LRRC4C: variants seen among roughly 807,000 people sequenced by gnomAD.
LRRC4C encodes the protein leucine rich repeat containing 4C.
A neutral mutation model predicts 33.6 loss-of-function variants in LRRC4C; 5 were observed. That is an observed-to-expected ratio of 0.15 (90% CI 0.08 to 0.31). The LOEUF (loss-of-function observed/expected upper bound fraction) is 0.31. Among genes scored for constraint, LRRC4C ranks in the 10% least tolerant of loss-of-function variants. The pLI is 1.00. For synonymous variants in LRRC4C, 329 were observed against 302.0 expected (o/e 1.09, Z -0.93); for missense variants, 560 against 796.7 (o/e 0.70, Z 3.58).
At chr11:40,177,566 C>T (rs1361290968) in intron 5 of LRRC4C, among the ~76,000 whole-genome samples, 1 of 152,114 alleles carries the variant, frequency 6.6e-6, no homozygotes, top group Non-Finnish European at 1.5e-5. Context: ...AAGCATCTTC[C>T]CCCAGATAGC....
At chr11:40,606,510 A>C (rs1249426461) in intron 3 of LRRC4C, among the ~76,000 whole-genome samples, 1 of 152,138 alleles carries the variant, frequency 6.6e-6, no homozygotes, top group Non-Finnish European at 1.5e-5. Context: ...TACAAGGCAC[A>C]CAAAGAAATA....
chr11:41,275,049 T>C (rs1949440354), intron 1 of LRRC4C, among the ~76,000 whole-genome samples: 1 of 151,980 alleles, frequency 6.6e-6, no homozygotes, highest in South Asian at 2.1e-4. Context: ...TGAGATAGGG[T>C]TGTTTAAAGA....
At chr11:41,021,204 A>C (rs866838776) in intron 1 of LRRC4C, among the ~76,000 whole-genome samples, 6 of 46,158 alleles carry the variant, frequency 1.3e-4, no homozygotes, top group African/African-American at 3.0e-4. Context: ...AGAGAGAGAG[A>C]GAGAGAGAGA....
At chr11:41,288,251 C>G (rs1949891082) in intron 1 of LRRC4C, among the ~76,000 whole-genome samples, 1 of 152,208 alleles carries the variant, frequency 6.6e-6, no homozygotes, top group East Asian at 1.9e-4. Flanking sequence ...AGTACGTAAT[C>G]TCCATCCTTA....
chr11:40,454,493 G>A (rs1175217332), intron 3 of LRRC4C, among the ~76,000 whole-genome samples: 3 of 152,018 alleles, frequency 2.0e-5, no homozygotes, highest in African/African-American at 7.2e-5. Flanking sequence ...CTAACTCACT[G>A]CCTTTATCTT....
chr11:40,255,097 G>A (rs754081823), intron 4 of LRRC4C, among the ~76,000 whole-genome samples: 14 of 152,168 alleles, frequency 9.2e-5, no homozygotes, highest in Admixed American at 3.9e-4. Context: ...CACCGCACCC[G>A]GCCCTAAAAA....
intron 1 of LRRC4C, among the ~76,000 whole-genome samples, chr11:41,172,955 C>T (rs1442288625): frequency 1.3e-5 from 2 of 152,032 alleles, no homozygotes. Flanking sequence ...GGCTAAAATT[C>T]CGAGATGGGT....
intron 3 of LRRC4C, among the ~76,000 whole-genome samples, chr11:40,466,460 A>G (rs1283228397): frequency 6.6e-6 from 1 of 152,012 alleles, no homozygotes; most frequent in African/African-American, 2.4e-5. Context: ...AATTACTCTG[A>G]AAATACTATG....
chr11:41,410,416 CT>C (rs1331907171), intron 1 of LRRC4C, among the ~76,000 whole-genome samples: 36 of 131,738 alleles, frequency 2.7e-4, no homozygotes, highest in Non-Finnish European at 3.6e-4. Flanking sequence ...TTTTTTTTTT[CT>C]TTTTTTTTTT....
chr11:41,143,467 G>A (rs1013119945), intron 1 of LRRC4C, among the ~76,000 whole-genome samples: 2 of 152,128 alleles, frequency 1.3e-5, no homozygotes, highest in Non-Finnish European at 2.9e-5. Context: ...AGGTTTTTCA[G>A]TGTTTGAATG....
intron 6 of LRRC4C, among the ~76,000 whole-genome samples, chr11:40,119,360 AT>A (rs915037114): frequency 2.6e-5 from 4 of 151,870 alleles, no homozygotes; most frequent in African/African-American, 7.3e-5. Context: ...CTGAGTTACT[AT>A]TTTTTTCCCC....
intron 1 of LRRC4C, among the ~76,000 whole-genome samples, chr11:41,068,119 G>A (rs1938394997): frequency 6.6e-6 from 1 of 152,212 alleles, no homozygotes; most frequent in Admixed American, 6.5e-5. Context: ...GAGGCCAGGT[G>A]TGGTGGCTCA....
chr11:40,899,103 A>AG (rs1173811255), intron 2 of LRRC4C, among the ~76,000 whole-genome samples: 3 of 151,792 alleles, frequency 2.0e-5, no homozygotes, highest in Admixed American at 2.0e-4. Flanking sequence ...ATTTTGAAAA[A>AG]AAAAAAGCAT....
At chr11:41,333,402 T>C (rs1283448300) in intron 1 of LRRC4C, among the ~76,000 whole-genome samples, 3 of 152,220 alleles carry the variant, frequency 2.0e-5, no homozygotes, top group Admixed American at 6.5e-5. Flanking sequence ...CAAAATAACA[T>C]GTACAGTTAG....
At chr11:41,351,558 G>A (rs575291304) in intron 1 of LRRC4C, among the ~76,000 whole-genome samples, 1 of 152,148 alleles carries the variant, frequency 6.6e-6, no homozygotes, top group Admixed American at 6.5e-5. Flanking sequence ...TCTCCAAGAT[G>A]AACACATAAG....
At chr11:40,579,097 G>A (rs1313590402) in intron 3 of LRRC4C, among the ~76,000 whole-genome samples, 1 of 152,176 alleles carries the variant, frequency 6.6e-6, no homozygotes, top group African/African-American at 2.4e-5. Context: ...CAGCTCTTTG[G>A]GAGGCCGAGG....
intron 1 of LRRC4C, among the ~76,000 whole-genome samples, chr11:41,367,651 C>T (rs566782733): frequency 6.6e-6 from 1 of 152,100 alleles, no homozygotes; most frequent in Non-Finnish European, 1.5e-5. Context: ...TATGTCTGTA[C>T]TGTATATACA....
chr11:41,327,780 T>G (rs2137336172), intron 1 of LRRC4C, among the ~76,000 whole-genome samples: 1 of 152,162 alleles, frequency 6.6e-6, no homozygotes, highest in African/African-American at 2.4e-5. Flanking sequence ...GATCTGATGG[T>G]TTTAAAAAGG....
intron 1 of LRRC4C, among the ~76,000 whole-genome samples, chr11:41,230,281 G>A (rs760845563): frequency 2.2e-4 from 34 of 152,166 alleles, no homozygotes; most frequent in Non-Finnish European, 4.4e-4. Context: ...CTCAGAATGT[G>A]TAGAAGAGAA....
Sources: gnomAD v4.1 joint callset for allele counts (sites outside exome capture counted in the v4.1 genomes callset) on GRCh38, gnomAD v4.1.1 for gene constraint, MANE v1.5 for transcripts, NCBI Gene and HGNC (gene_info 2026-07-23, HGNC 2026-07-21) for gene names.